DNAH5: variants seen among roughly 807,000 people sequenced by gnomAD.
DNAH5 encodes the protein dynein axonemal heavy chain 5, also known as axonemal beta dynein heavy chain 5.
DNAH5 carries 372 observed loss-of-function variants against 518.2 expected under a neutral mutation model. The ratio of observed to expected loss-of-function variants is 0.72; its 90% CI spans 0.66 to 0.78. The LOEUF is 0.78. Among genes scored for constraint, DNAH5 ranks in the 30% least tolerant of loss-of-function variants. DNAH5 has a pLI of 0.00. For synonymous variants in DNAH5, 2,039 were observed against 2,025.9 expected (o/e 1.01, Z -0.17); for missense variants, 5,523 against 5,687.0 (o/e 0.97, Z 0.93).
chr5:13,918,475 T>C (rs1412123399), intron 7 of DNAH5, among the ~76,000 whole-genome samples: 1 of 152,160 alleles, frequency 6.6e-6, no homozygotes, highest in Non-Finnish European at 1.5e-5. Flanking sequence ...GTTTTTGTTT[T>C]TTGTTTTTTA....
In DNAH5 at chr5:13,914,641, A is replaced by G; in HGVS notation, c.1199T>C (p.Val400Ala). 1 of 1,612,706 alleles carries G rather than the reference A, an allele frequency of 6.2e-7. No homozygotes were observed. The highest frequency in any genetic ancestry group is 8.5e-7 in the Non-Finnish European group (1 of 1,178,994). ...SEKITSLFVK[V>A]TNQIISACKA... ...ACATGCAGATATAATCTGATTTGTC[A>G]CCTGGGATTTTCCAATAAAATGATG... The change falls in exon 10 of 79, where the codon GTG becomes GCG. Residue 400 changes from valine (V) to alanine (A), a missense_variant and splice_region_variant. Physicochemically the swap from Val to Ala is moderately conservative, Grantham distance 64. This residue lies in a region of DNAH5 where 5,121 missense variants were observed against 5,223.3 expected (regional missense o/e 0.98). Transcript: ENST00000265104.
intron 32 of DNAH5, among the ~76,000 whole-genome samples, chr5:13,844,395 C>T (rs1451933097): frequency 6.6e-6 from 1 of 152,082 alleles, no homozygotes; most frequent in Non-Finnish European, 1.5e-5. Flanking sequence ...TATCGTGAGT[C>T]TCATGCAGCT....
At chr5:13,778,976 A>G (rs1754679630) in intron 53 of DNAH5, among the ~76,000 whole-genome samples, 1 of 152,216 alleles carries the variant, frequency 6.6e-6, no homozygotes, top group Admixed American at 6.5e-5. Context: ...AAAGTCACAC[A>G]AGACTAGAAA....
intron 11 of DNAH5, 85 bp from the exon 12 acceptor site, chr5:13,911,578 A>G: frequency 9.6e-7 from 1 of 1,043,460 alleles, no homozygotes; most frequent in Non-Finnish European, 1.4e-6. Flanking sequence ...TAGAGCCTAT[A>G]CAATAATTGC....
At chr5:13,972,496 G>C (rs1447652595) in intron 1 of DNAH5, among the ~76,000 whole-genome samples, 6 of 152,202 alleles carry the variant, frequency 3.9e-5, no homozygotes, top group African/African-American at 1.4e-4. Flanking sequence ...TGGAGACCAA[G>C]AGTGCCCACA....
chr5:13,854,756 T>C (rs574447938), intron 30 of DNAH5, among the ~76,000 whole-genome samples: 2 of 151,980 alleles, frequency 1.3e-5, no homozygotes, highest in South Asian at 2.1e-4. Context: ...CCAACAAAGA[T>C]CAAAAAAGAC....
intron 66 of DNAH5, 121 bp downstream of exon 66, chr5:13,737,131 C>G (rs1403824561): frequency 2.0e-6 from 3 of 1,505,574 alleles, no homozygotes; most frequent in Admixed American, 3.4e-5. Context: ...AGAAATTCCA[C>G]AAAACACCTC....
intron 22 of DNAH5, among the ~76,000 whole-genome samples, chr5:13,875,003 A>T: frequency 6.6e-6 from 1 of 152,186 alleles, no homozygotes; most frequent in East Asian, 1.9e-4. Flanking sequence ...AGGGCTGGCT[A>T]TATCTAATAC....
intron 22 of DNAH5, among the ~76,000 whole-genome samples, chr5:13,876,465 C>A (rs575421081): frequency 6.6e-6 from 1 of 152,228 alleles, no homozygotes; most frequent in African/African-American, 2.4e-5. Flanking sequence ...AAGCATTAAA[C>A]AAAACACAAT....
chr5:13,720,955 T>C (rs1044704398), intron 71 of DNAH5, 45 bp downstream of exon 71: 8 of 1,613,468 alleles, frequency 5.0e-6, no homozygotes, highest in Non-Finnish European at 5.9e-6. Context: ...TTCTATAACC[T>C]GTAATATGAA....
chr5:13,752,389 G>A (rs924992991), intron 63 of DNAH5, 100 bp from the exon 64 acceptor site: 4 of 1,359,272 alleles, frequency 2.9e-6, no homozygotes, highest in African/African-American at 2.9e-5. Context: ...TCTACTGCAA[G>A]AGACAAATAC....
intron 75 of DNAH5, 86 bp from the exon 76 acceptor site, chr5:13,708,421 C>T: frequency 8.2e-7 from 1 of 1,219,598 alleles, no homozygotes; most frequent in Non-Finnish European, 1.2e-6. Context: ...CTGAACAGGC[C>T]CAAATTCTTA....
chr5:13,766,027 C>A lies in DNAH5; in HGVS notation c.10050G>T (p.Trp3350Cys). ...DLEKSCTMPS[W>C]QESLKLMTAG... ...CAGTCATCAATTTTAAGGATTCCTG[C>A]CAGGAGGGCATGGTACAGCTTTTTT... The change falls in exon 59 of 79, where the codon TGG (tryptophan) becomes TGT (cysteine). Residue 3350 changes from tryptophan to cysteine, a missense_variant. Physicochemically the swap from Trp to Cys is radical, Grantham distance 215. This residue lies in a region of DNAH5 where 5,121 missense variants were observed against 5,223.3 expected (regional missense o/e 0.98). Coordinates refer to ENST00000265104, the MANE Select transcript of DNAH5 (RefSeq NM_001369.3). 1.9e-6 allele frequency: 3 copies of A among 1,614,196 alleles called. No homozygotes were observed. In the South Asian group the frequency reaches 3.3e-5, roughly 18 times the overall value.
At chr5:13,695,606 G>A (rs1353999726) in intron 78 of DNAH5, among the ~76,000 whole-genome samples, 1 of 152,132 alleles carries the variant, frequency 6.6e-6, no homozygotes, top group Non-Finnish European at 1.5e-5. Context: ...TTCCCTGTCA[G>A]TAGCCAGGAA....
chr5:13,808,563 A>C (rs962197249), intron 46 of DNAH5, among the ~76,000 whole-genome samples: 5 of 152,232 alleles, frequency 3.3e-5, no homozygotes, highest in African/African-American at 1.2e-4. Flanking sequence ...AATTAGAACT[A>C]TTCAACTCAT....
intron 67 of DNAH5, 40 bp from the exon 68 acceptor site, chr5:13,735,361 C>T: frequency 1.9e-6 from 3 of 1,578,988 alleles, no homozygotes; most frequent in South Asian, 1.1e-5. Context: ...ATCCCACTGC[C>T]CTTTTCAATT....
At chr5:13,994,314 C>A (rs1349359776) in intron 1 of DNAH5, among the ~76,000 whole-genome samples, 2 of 152,096 alleles carry the variant, frequency 1.3e-5, no homozygotes, top group South Asian at 4.1e-4. Flanking sequence ...ACTTCCTCCC[C>A]AAAAAGGAAT....
chr5:13,799,571 C>T (rs577645189), intron 47 of DNAH5, among the ~76,000 whole-genome samples: 1 of 152,186 alleles, frequency 6.6e-6, no homozygotes, highest in South Asian at 2.1e-4. Flanking sequence ...AATTAAGCAA[C>T]CTGAGAACCT....
At chr5:13,751,299 G>A in intron 64 of DNAH5, 39 bp from the exon 65 acceptor site, 15 of 1,509,674 alleles carry the variant, frequency 9.9e-6, no homozygotes, top group Non-Finnish European at 1.4e-5. Flanking sequence ...ATAAAATAGA[G>A]ATATACCTTA....
Sources: allele counts gnomAD v4.1 joint callset (sites outside exome capture counted in the v4.1 genomes callset), GRCh38; gene constraint gnomAD v4.1.1; regional missense constraint gnomAD v4.1.1; transcripts MANE v1.5; gene names NCBI Gene and HGNC (gene_info 2026-07-23, HGNC 2026-07-21).